ZNF670: variants seen among roughly 807,000 people sequenced by gnomAD.
ZNF670 encodes the protein zinc finger protein 670.
ZNF670 carries 7 observed loss-of-function variants against 10.9 expected under a neutral mutation model. The ratio of observed to expected loss-of-function variants is 0.64; its 90% CI spans 0.36 to 1.20. The LOEUF is 1.20. ZNF670 is among the 50% of genes most tolerant of loss of function. The pLI is 0.02. For synonymous variants in ZNF670, 136 were observed against 152.7 expected (o/e 0.89, Z 0.81); for missense variants, 446 against 458.6 (o/e 0.97, Z 0.25).
chr1:247,041,184 C>T (rs1670299564), intron 1 of ZNF670, among the ~76,000 whole-genome samples: 1 of 152,028 alleles, frequency 6.6e-6, no homozygotes, highest in Non-Finnish European at 1.5e-5. Flanking sequence ...AAAATACGTT[C>T]AGACTTCGAA....
intron 2 of ZNF670, 81 bp from the exon 3 acceptor site, chr1:247,038,951 AC>A: frequency 9.5e-7 from 1 of 1,048,732 alleles, no homozygotes; most frequent in South Asian, 1.8e-5. Context: ...ATACACTGTG[AC>A]CATAACTAAT....
chr1:247,038,242 A>G lies in ZNF670; in HGVS notation c.377T>C (p.Ile126Thr), dbSNP rs143504496. The G allele has an allele frequency of 8.1e-6, 13 of 1,614,052 alleles. No individual in the cohort carries two copies. The South Asian group carries it at 9.9e-5, about 12-fold the overall frequency. ...SALHRHILSH[I>T]GNKLFECEEC... ...CTCACACTCAAATAGTTTGTTTCCA[A>G]TGTGAGACAGGATGTGCCTATGAAG... Residue 126 changes from isoleucine to threonine, a missense_variant, in exon 4 of 4, where the codon ATT becomes ACT. Coordinates refer to ENST00000366503, the MANE Select transcript of ZNF670 (RefSeq NM_033213.5).
intron 1 of ZNF670, among the ~76,000 whole-genome samples, chr1:247,047,810 A>T (rs1434789630): frequency 6.6e-6 from 1 of 152,202 alleles, no homozygotes; most frequent in Non-Finnish European, 1.5e-5. Context: ...TGAGCTGTAC[A>T]TTGGTCTCTT....
At chr1:247,048,507 TC>T (rs1229648715) in intron 1 of ZNF670, among the ~76,000 whole-genome samples, 1 of 152,218 alleles carries the variant, frequency 6.6e-6, no homozygotes, top group Admixed American at 6.5e-5. Context: ...TCCAAACTGT[TC>T]CAACCTCTGC....
intron 1 of ZNF670, among the ~76,000 whole-genome samples, chr1:247,040,698 TA>T (rs1382762825): frequency 6.6e-6 from 1 of 152,194 alleles, no homozygotes; most frequent in Non-Finnish European, 1.5e-5. Flanking sequence ...TTTTTTATTT[TA>T]TTTTTTTGGT....
At chr1:247,066,323 G>T (rs1670979553) in intron 1 of ZNF670, among the ~76,000 whole-genome samples, 1 of 152,120 alleles carries the variant, frequency 6.6e-6, no homozygotes, top group African/African-American at 2.4e-5. Context: ...GAGTAAGATA[G>T]GCATGGAGAG....
chr1:247,050,459 T>C (rs528072438), intron 1 of ZNF670, among the ~76,000 whole-genome samples: 3 of 149,156 alleles, frequency 2.0e-5, no homozygotes, highest in African/African-American at 7.6e-5. Flanking sequence ...GCTGATAACT[T>C]GGTTGGTGAA....
At position 247,038,401 on chromosome 1, in the gene ZNF670, TCAAA is replaced by T. The variant is rs1352490129; in HGVS notation, c.214_217del (p.Phe72LysfsTer18). On this transcript the variant is annotated frameshift_variant, in exon 4 of 4. Coordinates refer to ENST00000366503, the MANE Select transcript of ZNF670 (RefSeq NM_033213.5). LOFTEE classifies it low-confidence loss of function (END_TRUNC). The stretch of plus-strand genomic sequence containing the variant: ...TCCATATTGACTGCCTTCTTTAATT[TCAAA>T]CAGTCTCTCTACCACATGACTGCTG... 2 of 1,611,780 alleles carry T rather than the reference TCAAA, an allele frequency of 1.2e-6. No individual in the cohort carries two copies. Among genetic ancestry groups the T allele is most frequent in the African/African-American group, 2.7e-5 (2 of 74,860 alleles).
intron 1 of ZNF670, among the ~76,000 whole-genome samples, chr1:247,064,264 G>A (rs1188214542): frequency 6.6e-6 from 1 of 152,252 alleles, no homozygotes; most frequent in Non-Finnish European, 1.5e-5. Flanking sequence ...ACATGCAGCA[G>A]TGGAGACAAG....
In ZNF670 at chr1:247,037,893, T is replaced by C. The variant is rs753249219; in HGVS notation, c.726A>G (p.Gln242=). The C allele has an allele frequency of 2.5e-6, 4 of 1,614,076 alleles. No individual in the cohort carries two copies. The highest frequency in any genetic ancestry group is 1.1e-5 in the South Asian group (1 of 91,046). ...TCTCTCCAGTATGAGATCTTTCATG[T>C]TGGCGAAGAGAACTGGAAAAAGTGA... The part of the protein sequence containing the change: ...KSFTFSSSLR[Q]HERSHTGEKP... Residue 242 remains glutamine, a synonymous_variant, in exon 4 of 4, where the codon CAA becomes CAG. Coordinates refer to ENST00000366503, the MANE Select transcript of ZNF670 (RefSeq NM_033213.5).
chr1:247,061,156 G>A (rs998173959), intron 1 of ZNF670, among the ~76,000 whole-genome samples: 14 of 151,658 alleles, frequency 9.2e-5, no homozygotes, highest in Admixed American at 2.6e-4. Context: ...ACAGTCAACC[G>A]AAACACTGTC....
rs1298959030 is a variant in ZNF670, at chr1:247,072,798, GTGTGTGTATATATA to G, written c.3+5782_3+5795del. Among the ~76,000 whole-genome samples, 26 of 19,056 alleles carry G rather than the reference GTGTGTGTATATATA, an allele frequency of 1.4e-3. 1 individual carries two copies. In the East Asian group the frequency reaches 0.021, roughly 16 times the overall value. 12.5% of individuals were successfully genotyped at this position (19,056 alleles called of 152,430 possible). ...ACGAAACTCTGTCTCAAAAAAAAAA[GTGTGTGTATATATA>G]TATATATATATATATATATATATAT... On this transcript the variant is annotated intron_variant, in intron 1 of 3. Coordinates refer to ENST00000366503, the MANE Select transcript of ZNF670 (RefSeq NM_033213.5).
At chr1:247,067,097 G>A (rs1670998807) in intron 1 of ZNF670, among the ~76,000 whole-genome samples, 1 of 152,076 alleles carries the variant, frequency 6.6e-6, no homozygotes, top group Non-Finnish European at 1.5e-5. Flanking sequence ...GCTATGTCAT[G>A]GTTACATCCT....
intron 1 of ZNF670, among the ~76,000 whole-genome samples, chr1:247,077,773 C>T (rs1007418853): frequency 6.6e-5 from 10 of 152,160 alleles, no homozygotes; most frequent in Non-Finnish European, 1.3e-4. Context: ...GATGTGAGAT[C>T]CTGTTGCCAT....
At chr1:247,038,488 A>G in intron 3 of ZNF670, 61 bp from the exon 4 acceptor site, 1 of 1,492,456 alleles carries the variant, frequency 6.7e-7, no homozygotes, top group Non-Finnish European at 8.9e-7. Context: ...TGCTACTAAT[A>G]CCATGGAAAA....
At chr1:247,058,341 T>C (rs552303504) in intron 1 of ZNF670, among the ~76,000 whole-genome samples, 1 of 152,242 alleles carries the variant, frequency 6.6e-6, no homozygotes, top group Admixed American at 6.5e-5. Flanking sequence ...TTAAATAAAA[T>C]ACATCTTCAG....
At position 247,038,787 on chromosome 1, in the gene ZNF670, T is replaced by C. The variant is rs750373063; in HGVS notation, c.191+23A>G. 1.9e-6 allele frequency: 3 copies of C among 1,597,616 alleles called. No homozygotes were observed. In the South Asian group the frequency reaches 3.3e-5, roughly 18 times the overall value. Reference sequence around the variant, plus strand: ...GCTAAGATTCCCTCAAGGGGCATTTTTGCTCTTGTGAATGCAAATTACCTT... The same window carrying C: ...GCTAAGATTCCCTCAAGGGGCATTTCTGCTCTTGTGAATGCAAATTACCTT... On this transcript the variant is annotated intron_variant, in intron 3 of 3. Transcript: ENST00000366503.
intron 1 of ZNF670, among the ~76,000 whole-genome samples, chr1:247,062,088 T>A (rs1341444013): frequency 6.6e-6 from 1 of 152,150 alleles, no homozygotes; most frequent in Non-Finnish European, 1.5e-5. Flanking sequence ...CAAGTACAGA[T>A]AACAGAAACA....
At position 247,046,887 on chromosome 1, in the gene ZNF670, C is replaced by A. The variant is rs551046431; in HGVS notation, c.4-7350G>T. Among the ~76,000 whole-genome samples, 5 of 152,328 alleles carry A rather than the reference C, an allele frequency of 3.3e-5. No homozygotes were observed. The East Asian group carries it at 9.6e-4, about 29-fold the overall frequency. The stretch of plus-strand genomic sequence containing the variant: ...GGTTGCCCAAGGCAACAGGTAAATA[C>A]ACCGGTTCCAAATGGAAGAAATGGC... On this transcript the variant is annotated intron_variant, in intron 1 of 3. Transcript: ENST00000366503.
Sources: allele counts gnomAD v4.1 joint callset (sites outside exome capture counted in the v4.1 genomes callset), GRCh38; gene constraint gnomAD v4.1.1; transcripts MANE v1.5; gene names NCBI Gene and HGNC (gene_info 2026-07-23, HGNC 2026-07-21).